TSHZ2: variants seen among roughly 807,000 people sequenced by gnomAD.
The protein encoded by TSHZ2 is teashirt zinc finger homeobox 2, also known as teashirt homolog 2.
Under a neutral mutation model 74.4 loss-of-function variants are expected in TSHZ2, and 21 were observed. That is an observed-to-expected ratio of 0.28 (90% CI 0.20 to 0.41). TSHZ2 has a LOEUF of 0.41. Among genes scored for constraint, TSHZ2 ranks in the 10% least tolerant of loss-of-function variants. TSHZ2 has a pLI of 1.00. For missense variants in TSHZ2, 1,244 were observed against 1,293.5 expected (o/e 0.96, Z 0.59); for synonymous variants, 540 against 515.3 (o/e 1.05, Z -0.65).
At position 53,494,695 on chromosome 20, in the gene TSHZ2, C is replaced by T. The variant is rs1260223487; in HGVS notation, c.*7560C>T. ...GAACTGTAATTAAAGCCCTAAATAA[C>T]AGACACTACTTTGTTGAGCTATTGT... On this transcript the variant is annotated 3_prime_UTR_variant, in exon 3 of 3. Coordinates refer to ENST00000371497, the MANE Select transcript of TSHZ2 (RefSeq NM_173485.6). The T allele has an allele frequency of 6.7e-6, 1 of 149,838 alleles. No homozygotes were observed. The highest frequency in any genetic ancestry group is 2.0e-4 in the East Asian group (1 of 5,122). The allele number at this position is 149,838 out of a possible 1,614,324, so 9.3% of individuals were successfully genotyped here.
At chr20:53,451,452 C>A (rs2145783536) in intron 2 of TSHZ2, among the ~76,000 whole-genome samples, 1 of 152,312 alleles carries the variant, frequency 6.6e-6, no homozygotes, top group Middle Eastern at 3.4e-3. Flanking sequence ...TGCCTCTATG[C>A]CTCAACCACA....
At chr20:53,065,114 A>C (rs1984938936) in intron 1 of TSHZ2, among the ~76,000 whole-genome samples, 1 of 152,254 alleles carries the variant, frequency 6.6e-6, no homozygotes, top group African/African-American at 2.4e-5. Flanking sequence ...ACTGCGCCTC[A>C]TTCGCCTCGT....
At chr20:53,115,880 G>A (rs532938964) in intron 1 of TSHZ2, among the ~76,000 whole-genome samples, 2 of 152,058 alleles carry the variant, frequency 1.3e-5, no homozygotes, top group Non-Finnish European at 2.9e-5. Flanking sequence ...TAGAAATTAT[G>A]GTTTCATATT....
At chr20:53,361,859 A>G (rs1981065326) in intron 2 of TSHZ2, among the ~76,000 whole-genome samples, 1 of 151,938 alleles carries the variant, frequency 6.6e-6, no homozygotes, top group African/African-American at 2.4e-5. Context: ...CACACAAAGC[A>G]TCCTTCACAT....
intron 1 of TSHZ2, among the ~76,000 whole-genome samples, chr20:53,189,769 C>T (rs1352435819): frequency 2.6e-5 from 4 of 151,926 alleles, no homozygotes; most frequent in Non-Finnish European, 4.4e-5. Context: ...ATAAAATGCA[C>T]TTATCCCTGC....
chr20:53,431,484 G>C lies in TSHZ2; in HGVS notation c.*9-55660G>C, dbSNP rs185925126. On this transcript the variant is annotated intron_variant, in intron 2 of 2. Coordinates refer to ENST00000371497, the MANE Select transcript of TSHZ2 (RefSeq NM_173485.6). Reference sequence around the variant, plus strand: ...AAAAAAAAAAAAAGAAGAAGAAGAAGAAAAGAAAGGCACTTAGCACACCAC... The same window carrying C: ...AAAAAAAAAAAAAGAAGAAGAAGAACAAAAGAAAGGCACTTAGCACACCAC... Among the ~76,000 whole-genome samples, 16 of 150,564 alleles carry C rather than the reference G, an allele frequency of 1.1e-4. No homozygotes were observed. In the East Asian group the frequency reaches 3.1e-3, roughly 29 times the overall value.
At chr20:53,258,770 C>T (rs191536131) in intron 2 of TSHZ2, among the ~76,000 whole-genome samples, 5 of 152,264 alleles carry the variant, frequency 3.3e-5, no homozygotes, top group Admixed American at 2.0e-4. Context: ...ATTTGGACCT[C>T]GAAAGCACCG....
chr20:53,462,476 C>T (rs987096386), intron 2 of TSHZ2, among the ~76,000 whole-genome samples: 9 of 152,150 alleles, frequency 5.9e-5, no homozygotes, highest in Admixed American at 5.9e-4. Context: ...GTCAATAAAG[C>T]TTTTGTTGTT....
chr20:53,071,067 A>T (rs142251700), intron 1 of TSHZ2, among the ~76,000 whole-genome samples: 1 of 152,208 alleles, frequency 6.6e-6, no homozygotes, highest in African/African-American at 2.4e-5. Flanking sequence ...ACTCACATTT[A>T]TATTACTAAA....
intron 2 of TSHZ2, chr20:53,399,313 T>G (rs182088168): frequency 6.6e-6 from 1 of 152,046 alleles, no homozygotes; most frequent in Admixed American, 6.6e-5. Context: ...GGAGAAAGAG[T>G]TCAATTTTTC....
chr20:53,401,684 G>A (rs1404296931), intron 2 of TSHZ2, among the ~76,000 whole-genome samples: 1 of 151,158 alleles, frequency 6.6e-6, no homozygotes, highest in Admixed American at 6.6e-5. Context: ...TTAGAATAAT[G>A]GTCTCCAATT....
chr20:53,315,637 G>T (rs1399971233), intron 2 of TSHZ2, among the ~76,000 whole-genome samples: 1 of 152,090 alleles, frequency 6.6e-6, no homozygotes, highest in Non-Finnish European at 1.5e-5. Flanking sequence ...TTGCCCTGTT[G>T]TTCATTTGTT....
Position 53,453,727 on chromosome 20 carries a change from T to A in TSHZ2, c.*9-33417T>A, listed in dbSNP as rs67312763. Among the ~76,000 whole-genome samples, 3 of 152,238 alleles carry A rather than the reference T, an allele frequency of 2.0e-5. No individual in the cohort carries two copies. In the South Asian group the frequency reaches 6.2e-4, roughly 32 times the overall value. ...TTTCTGTGACCACTCATTTAGCCTC[T>A]TGTAGGAAATCTTCTTGATTTTGGA... On this transcript the variant is annotated intron_variant, in intron 2 of 2. Transcript: ENST00000371497.
chr20:53,128,600 T>C (rs986228078), intron 1 of TSHZ2, among the ~76,000 whole-genome samples: 5 of 151,624 alleles, frequency 3.3e-5, no homozygotes, highest in African/African-American at 1.2e-4. Flanking sequence ...TATTTCTTTA[T>C]GTCAATACCC....
chr20:53,366,384 A>G (rs1051165688), intron 2 of TSHZ2, among the ~76,000 whole-genome samples: 1 of 152,206 alleles, frequency 6.6e-6, no homozygotes, highest in Non-Finnish European at 1.5e-5. Context: ...GTAGTGGGAA[A>G]GGTGTTTAGT....
intron 2 of TSHZ2, among the ~76,000 whole-genome samples, chr20:53,470,817 A>T (rs918518344): frequency 2.8e-5 from 4 of 144,530 alleles, no homozygotes; most frequent in Admixed American, 6.8e-5. Flanking sequence ...CATCTCAAAA[A>T]AAATAAATAA....
chr20:53,193,174 A>AG (rs1055842424), intron 1 of TSHZ2, among the ~76,000 whole-genome samples: 2 of 83,754 alleles, frequency 2.4e-5, no homozygotes, highest in Non-Finnish European at 5.1e-5. Flanking sequence ...TTTCAAAAAA[A>AG]AAAAAAGAAA....
intron 2 of TSHZ2, among the ~76,000 whole-genome samples, chr20:53,486,501 G>A (rs1426463579): frequency 6.6e-6 from 1 of 152,142 alleles, no homozygotes; most frequent in Non-Finnish European, 1.5e-5. Flanking sequence ...CCAGGAATCT[G>A]AGATAGGCTC....
rs185266804 is a variant in TSHZ2, at chr20:53,035,401, T to C, written c.40+62068T>C. ...TGAGGTTTTTTGTTTTTTTGTTTTT[T>C]AGTTTTTTAATTCAATATTTACATG... On this transcript the variant is annotated intron_variant, in intron 1 of 2. Transcript: ENST00000371497. Among the ~76,000 whole-genome samples, 934 of 152,298 alleles carry C rather than the reference T, an allele frequency of 6.1e-3. 4 individuals are homozygous for C. The highest frequency in any genetic ancestry group is 0.019 in the African/African-American group (786 of 41,552).
Sources: gnomAD v4.1 joint callset for allele counts (sites outside exome capture counted in the v4.1 genomes callset) on GRCh38, gnomAD v4.1.1 for gene constraint, MANE v1.5 for transcripts, NCBI Gene and HGNC (gene_info 2026-07-23, HGNC 2026-07-21) for gene names.